Variants in CEP350 observed in about 807,000 individuals in gnomAD.
The protein encoded by CEP350 is centrosome-associated protein 350.
Under a neutral mutation model 331.8 loss-of-function variants are expected in CEP350, and 126 were observed. That is an observed-to-expected ratio of 0.38 (90% CI 0.33 to 0.44). The LOEUF (loss-of-function observed/expected upper bound fraction) is 0.44. Among genes scored for constraint, CEP350 ranks in the 20% least tolerant of loss-of-function variants. The pLI, the probability that CEP350 is intolerant of heterozygous loss-of-function variation, is 1.00. For synonymous variants in CEP350, 1,200 were observed against 1,259.5 expected (o/e 0.95, Z 1.00); for missense variants, 3,406 against 3,634.6 (o/e 0.94, Z 1.62).
At chr1:179,966,212 TAA>T (rs1651001449) in intron 1 of CEP350, among the ~76,000 whole-genome samples, 1 of 152,310 alleles carries the variant, frequency 6.6e-6, no homozygotes, top group South Asian at 2.1e-4. Flanking sequence ...TTGCCTTCTA[TAA>T]AGAGTCTTTT....
chr1:180,054,287 C>A, intron 24 of CEP350, 128 bp from the exon 25 acceptor site: 1 of 768,742 alleles, frequency 1.3e-6, no homozygotes, highest in Non-Finnish European at 2.2e-6. Context: ...CTACATGTAG[C>A]AACTGCTTTT....
chr1:180,012,665 T>C (rs1654735325), intron 9 of CEP350, among the ~76,000 whole-genome samples: 1 of 152,188 alleles, frequency 6.6e-6, no homozygotes, highest in Admixed American at 6.5e-5. Context: ...CATATGCCAG[T>C]TTTTCTTTTC....
chr1:180,043,149 C>T lies in CEP350; in HGVS notation c.4456C>T (p.Pro1486Ser). Reference protein sequence around the residue: ...ILYDHQRQHLPDFVKQLRTRT... With the variant: ...ILYDHQRQHLSDFVKQLRTRT... Reference sequence around the variant, plus strand: ...GTATGACCACCAACGGCAGCACCTTCCAGACTTTGTGAAACAGCTGAGGAC... The same window carrying T: ...GTATGACCACCAACGGCAGCACCTTTCAGACTTTGTGAAACAGCTGAGGAC... The change falls in exon 20 of 38, where the codon CCA becomes TCA. Residue 1486 changes from proline (P) to serine (S), a missense_variant. Pro to Ser is a moderately conservative substitution (Grantham distance 74). Coordinates refer to ENST00000367607, the MANE Select transcript of CEP350 (RefSeq NM_014810.5). The T allele has an allele frequency of 6.2e-7, 1 of 1,613,698 alleles. No homozygotes were observed. Among genetic ancestry groups the T allele is most frequent in the Non-Finnish European group, 8.5e-7 (1 of 1,179,710 alleles).
intron 33 of CEP350, among the ~76,000 whole-genome samples, chr1:180,091,495 G>A (rs575093422): frequency 3.9e-5 from 6 of 152,166 alleles, no homozygotes; most frequent in African/African-American, 1.2e-4. Context: ...CTAAATAGCT[G>A]TATACATTTT....
At chr1:180,047,242 T>C (rs1486157731) in intron 21 of CEP350, among the ~76,000 whole-genome samples, 5 of 152,144 alleles carry the variant, frequency 3.3e-5, no homozygotes, top group Non-Finnish European at 7.4e-5. Flanking sequence ...GCTTGTGTAA[T>C]GAATGAATAA....
chr1:180,016,056 T>G, intron 11 of CEP350, 86 bp downstream of exon 11: 1 of 1,496,658 alleles, frequency 6.7e-7, no homozygotes, highest in South Asian at 1.2e-5. Flanking sequence ...TTGTTGACTT[T>G]TGTGAACAAG....
Position 180,092,801 on chromosome 1 carries a change from C to T in CEP350, c.6696C>T (p.Leu2232=), listed in dbSNP as rs1325121175. The T allele has an allele frequency of 5.1e-6, 8 of 1,572,976 alleles. No homozygotes were observed. In the South Asian group the frequency reaches 8.1e-5, roughly 16 times the overall value. ...SLENVPALHL[L]KELNATSRIL... The stretch of plus-strand genomic sequence containing the variant: ...AAAATGTACCTGCATTACATCTTCT[C>T]AAAGAATTAAATGCCACTAGTAGAA... The change falls in exon 34 of 38, where the codon CTC becomes CTT. Residue 2232 remains leucine, a synonymous_variant. Transcript: ENST00000367607.
chr1:180,053,276 T>C (rs921650150), intron 23 of CEP350, 110 bp downstream of exon 23: 1 of 542,270 alleles, frequency 1.8e-6, no homozygotes, highest in Admixed American at 4.0e-5. Flanking sequence ...ATGATTTTTC[T>C]AAGATATCAG....
chr1:180,019,987 G>T lies in CEP350; in HGVS notation c.2213G>T (p.Arg738Ile). ...GAATCTACATGGATGCAGCCTGAAA[G>T]ATTGAGCCCACAAGTTCACCATTCT... ...LMESTWMQPE[R>I]LSPQVHHSQP... is the part of the protein sequence containing the mutation. The change falls in exon 12 of 38, where the codon AGA becomes ATA. Residue 738 changes from arginine (R) to isoleucine (I), a missense_variant. Arg to Ile is a moderately conservative substitution (Grantham distance 97, BLOSUM62 -3). Coordinates refer to ENST00000367607, the MANE Select transcript of CEP350 (RefSeq NM_014810.5). 1 of 1,612,292 alleles carries T rather than the reference G, an allele frequency of 6.2e-7. No homozygotes were observed. Among genetic ancestry groups the T allele is most frequent in the Non-Finnish European group, 8.5e-7 (1 of 1,179,178 alleles).
intron 1 of CEP350, among the ~76,000 whole-genome samples, chr1:179,976,502 G>A (rs1300386069): frequency 2.0e-5 from 3 of 151,794 alleles, no homozygotes; most frequent in Non-Finnish European, 4.4e-5. Flanking sequence ...TTCATTTCCA[G>A]TATGCTACAA....
intron 12 of CEP350, among the ~76,000 whole-genome samples, chr1:180,021,963 A>G (rs1225340527): frequency 6.6e-6 from 1 of 152,144 alleles, no homozygotes; most frequent in Non-Finnish European, 1.5e-5. Flanking sequence ...CCTTCCTGCT[A>G]TATATGGAAT....
intron 11 of CEP350, among the ~76,000 whole-genome samples, chr1:180,018,244 G>A (rs1175358418): frequency 6.6e-6 from 1 of 151,852 alleles, no homozygotes; most frequent in Non-Finnish European, 1.5e-5. Context: ...TGAACTTCTG[G>A]CCTCAAGTGA....
chr1:180,041,564 CTAT>C, intron 18 of CEP350, 95 bp from the exon 19 acceptor site: 1 of 1,210,864 alleles, frequency 8.3e-7, no homozygotes, highest in South Asian at 1.7e-5. Flanking sequence ...GTGTTTTTTA[CTAT>C]GAATAAGACA....
At chr1:180,071,025 G>A (rs577283523) in intron 27 of CEP350, among the ~76,000 whole-genome samples, 21 of 151,394 alleles carry the variant, frequency 1.4e-4, no homozygotes, top group African/African-American at 4.9e-4. Context: ...GCGCGTGCCT[G>A]TAATCCCAGC....
chr1:180,096,308 A>G (rs1440197673), intron 36 of CEP350, 124 bp downstream of exon 36: 8 of 1,016,456 alleles, frequency 7.9e-6, no homozygotes, highest in Non-Finnish European at 1.1e-5. Context: ...GACCTGTTCC[A>G]TAGTGGGTAT....
chr1:180,073,609 A>G (rs1659034694), intron 27 of CEP350, among the ~76,000 whole-genome samples: 2 of 152,236 alleles, frequency 1.3e-5, no homozygotes, highest in Non-Finnish European at 2.9e-5. Flanking sequence ...GGTAAGATCT[A>G]TAAAAATACA....
intron 30 of CEP350, 110 bp downstream of exon 30, chr1:180,080,771 G>A: frequency 1.2e-6 from 1 of 866,572 alleles, no homozygotes; most frequent in Non-Finnish European, 1.9e-6. Context: ...ACAGACAGTG[G>A]TGAGTTTATG....
chr1:180,076,094 G>A (rs1317985333), intron 28 of CEP350, among the ~76,000 whole-genome samples: 1 of 152,000 alleles, frequency 6.6e-6, no homozygotes, highest in African/African-American at 2.4e-5. Flanking sequence ...TCTTTCACCA[G>A]TAAAGGAATT....
In CEP350 at chr1:180,111,276, T is replaced by G; in HGVS notation, c.*115T>G. On this transcript the variant is annotated 3_prime_UTR_variant, in exon 38 of 38. Transcript: ENST00000367607. ...GTGCTTCTGGACCTTGTACTTATTCTTAAAGACTACCAGTATGGAGTTCAT... is the reference window on the plus strand; with the variant it reads ...GTGCTTCTGGACCTTGTACTTATTCGTAAAGACTACCAGTATGGAGTTCAT... 2 of 1,246,738 alleles carry G rather than the reference T, an allele frequency of 1.6e-6. No homozygotes were observed. Among genetic ancestry groups the G allele is most frequent in the Middle Eastern group, 2.0e-4 (1 of 5,112 alleles). The allele number at this position is 1,246,738 out of a possible 1,614,324, so 77.2% of individuals were successfully genotyped here.
Sources: gnomAD v4.1 joint callset for allele counts (sites outside exome capture counted in the v4.1 genomes callset) on GRCh38, gnomAD v4.1.1 for gene constraint, MANE v1.5 for transcripts, NCBI Gene and HGNC (gene_info 2026-07-23, HGNC 2026-07-21) for gene names.